Variants in FER observed in about 807,000 individuals in gnomAD.
FER encodes FER tyrosine kinase, also known as tyrosine-protein kinase Fer.
In FER, 63 loss-of-function variants were observed where a neutral mutation model predicts 111.0. The observed-to-expected ratio is 0.57, with a 90% CI of 0.46 to 0.70. FER has a LOEUF of 0.70. Among genes scored for constraint, FER ranks in the 30% least tolerant of loss-of-function variants. FER has a pLI of 0.00. For missense variants in FER, 914 were observed against 954.0 expected (o/e 0.96, Z 0.55); for synonymous variants, 327 against 313.9 (o/e 1.04, Z -0.44).
At chr5:109,013,097 A>G (rs1207207675) in intron 13 of FER, among the ~76,000 whole-genome samples, 23 of 149,550 alleles carry the variant, frequency 1.5e-4, no homozygotes, top group African/African-American at 4.9e-4. Flanking sequence ...TTATTATTAT[A>G]CTTTAAGTTT....
intron 3 of FER, among the ~76,000 whole-genome samples, chr5:108,824,989 A>G (rs1460259687): frequency 6.6e-6 from 1 of 152,146 alleles, no homozygotes; most frequent in Non-Finnish European, 1.5e-5. Flanking sequence ...AGGGAGTTTC[A>G]AAAGGGGAGG....
intron 17 of FER, among the ~76,000 whole-genome samples, chr5:109,119,926 A>G (rs1255038396): frequency 6.6e-6 from 1 of 152,040 alleles, no homozygotes; most frequent in Non-Finnish European, 1.5e-5. Flanking sequence ...TCTTCTTTTG[A>G]GAAATGCCTA....
At chr5:108,853,138 A>G (rs1394061869) in intron 5 of FER, among the ~76,000 whole-genome samples, 1 of 152,194 alleles carries the variant, frequency 6.6e-6, no homozygotes, top group Admixed American at 6.5e-5. Context: ...TAGAATTGAT[A>G]ATATAAACAG....
At chr5:108,926,596 G>T (rs1279677609) in intron 10 of FER, among the ~76,000 whole-genome samples, 2 of 152,116 alleles carry the variant, frequency 1.3e-5, no homozygotes, top group East Asian at 3.8e-4. Flanking sequence ...TAGCCTTGAT[G>T]ATTTATCTTG....
intron 3 of FER, among the ~76,000 whole-genome samples, chr5:108,824,963 C>A (rs939800805): frequency 6.6e-6 from 1 of 151,930 alleles, no homozygotes; most frequent in Non-Finnish European, 1.5e-5. Context: ...GCCACAAAAA[C>A]CAGCAAGTTT....
chr5:108,863,186 C>G (rs1423626023), intron 5 of FER, among the ~76,000 whole-genome samples: 1 of 152,054 alleles, frequency 6.6e-6, no homozygotes, highest in East Asian at 1.9e-4. Flanking sequence ...GAGGCTTGAT[C>G]TTGGTTCACT....
chr5:108,927,222 T>C (rs1753862157), intron 10 of FER, among the ~76,000 whole-genome samples: 1 of 151,024 alleles, frequency 6.6e-6, no homozygotes, highest in Non-Finnish European at 1.5e-5. Context: ...TTCTCCCATA[T>C]CCCATGTAAT....
At chr5:108,974,667 A>G (rs1761102452) in intron 13 of FER, among the ~76,000 whole-genome samples, 3 of 152,248 alleles carry the variant, frequency 2.0e-5, no homozygotes, top group African/African-American at 4.8e-5. Context: ...GATTATCCAC[A>G]TGGACCTCTT....
chr5:108,980,314 G>C (rs1282581678), intron 13 of FER, among the ~76,000 whole-genome samples: 1 of 151,970 alleles, frequency 6.6e-6, no homozygotes, highest in Non-Finnish European at 1.5e-5. Context: ...AGAAGCATTG[G>C]GATCCTTGAG....
At chr5:109,057,997 A>G (rs1170998365) in intron 16 of FER, among the ~76,000 whole-genome samples, 3 of 152,204 alleles carry the variant, frequency 2.0e-5, no homozygotes, top group Admixed American at 1.3e-4. Flanking sequence ...AACAAAGCAA[A>G]TTTAACAATA....
rs142535018 is a variant in FER at position 109,124,818 on chromosome 5, A to C, written c.2048+24299A>C. 3.9e-5 allele frequency among the ~76,000 whole-genome samples: 6 copies of C among 152,224 alleles called. No homozygotes were observed. In the East Asian group the frequency reaches 1.2e-3, roughly 29 times the overall value. ...TCCCAGCACTTTGGGAGGCCGAGACAGGTGGATCACGAGGTCAGGAGATCC... is the reference window on the plus strand; with the variant it reads ...TCCCAGCACTTTGGGAGGCCGAGACCGGTGGATCACGAGGTCAGGAGATCC... On this transcript the variant is annotated intron_variant, in intron 17 of 19. Transcript: ENST00000281092.
At chr5:109,101,491 A>G (rs1156578960) in intron 17 of FER, among the ~76,000 whole-genome samples, 1 of 152,060 alleles carries the variant, frequency 6.6e-6, no homozygotes, top group African/African-American at 2.4e-5. Flanking sequence ...TTTGATCTCA[A>G]TAGATATTTT....
intron 17 of FER, among the ~76,000 whole-genome samples, chr5:109,179,926 G>C (rs957414165): frequency 2.6e-5 from 4 of 152,188 alleles, no homozygotes; most frequent in African/African-American, 9.7e-5. Flanking sequence ...TGGAAGATTA[G>C]AGTGGTCAGG....
chr5:108,785,277 A>G, intron 2 of FER: 1 of 546,908 alleles, frequency 1.8e-6, no homozygotes, highest in Non-Finnish European at 3.5e-6. Context: ...AACGAAGGCA[A>G]ACACCTTTAT....
At chr5:109,141,005 A>G (rs1464028978) in intron 17 of FER, among the ~76,000 whole-genome samples, 1 of 152,180 alleles carries the variant, frequency 6.6e-6, no homozygotes, top group Non-Finnish European at 1.5e-5. Flanking sequence ...TACCATGTTC[A>G]GAGACTTAGA....
chr5:109,092,430 A>C (rs184583470), intron 16 of FER, among the ~76,000 whole-genome samples: 1 of 152,166 alleles, frequency 6.6e-6, no homozygotes, highest in Admixed American at 6.5e-5. Flanking sequence ...AAAAAGTAAA[A>C]AACCCAATTA....
chr5:109,176,889 C>G (rs1437171273), intron 17 of FER, among the ~76,000 whole-genome samples: 1 of 152,104 alleles, frequency 6.6e-6, no homozygotes, highest in African/African-American at 2.4e-5. Context: ...TGAAGGACAT[C>G]AAATGATATT....
intron 16 of FER, among the ~76,000 whole-genome samples, chr5:109,077,872 TG>T (rs1479185808): frequency 3.3e-5 from 5 of 152,226 alleles, no homozygotes; most frequent in Non-Finnish European, 7.3e-5. Flanking sequence ...TTAGTTTTTT[TG>T]TAATCATAAA....
At position 109,018,328 on chromosome 5, in the gene FER, A is replaced by G. The variant is rs186723167; in HGVS notation, c.1657-19094A>G. 1.1e-3 allele frequency among the ~76,000 whole-genome samples: 174 copies of G among 151,990 alleles called. 1 individual carries two copies. The highest frequency in any genetic ancestry group is 4.1e-3 in the African/African-American group (170 of 41,548). On this transcript the variant is annotated intron_variant, in intron 13 of 19. Transcript: ENST00000281092. ...AGATTGTCTTCTGATAATTGATTAT[A>G]TAAAGATTTGCGACTGATAACTGAT...
Sources: gnomAD v4.1 joint callset for allele counts (sites outside exome capture counted in the v4.1 genomes callset) on GRCh38, gnomAD v4.1.1 for gene constraint, MANE v1.5 for transcripts, NCBI Gene and HGNC (gene_info 2026-07-23, HGNC 2026-07-21) for gene names.